ACP6: variants seen among roughly 807,000 people sequenced by gnomAD.
ACP6 encodes the protein lysophosphatidic acid phosphatase type 6.
Under a neutral mutation model 48.1 loss-of-function variants are expected in ACP6, and 48 were observed. The ratio of observed to expected loss-of-function variants is 1.00; its 90% CI spans 0.79 to 1.27. The LOEUF (loss-of-function observed/expected upper bound fraction) is 1.27. Among genes scored for constraint, ACP6 ranks in the 50% most tolerant of loss-of-function variants. The pLI, the probability that ACP6 is intolerant of heterozygous loss-of-function variation, is 0.00. For missense variants in ACP6, 485 were observed against 529.1 expected, an observed-to-expected ratio of 0.92 and a Z score of 0.82; for synonymous variants, 172 against 204.2, an observed-to-expected ratio of 0.84 and a Z score of 1.34.
At chr1:147,632,200 C>CACAA (rs1659186587) in intron 5 of ACP6, among the ~76,000 whole-genome samples, 2 of 151,288 alleles carry the variant, frequency 1.3e-5, no homozygotes, top group South Asian at 4.2e-4. Context: ...GCCCAACACA[C>CACAA]ACACACACAC....
In ACP6 at chr1:147,670,119, G is replaced by C; in HGVS notation, c.-71C>G. 7.3e-7 allele frequency: 1 copy of C among 1,375,368 alleles called. No homozygotes were observed. The highest frequency in any genetic ancestry group is 9.6e-7 in the Non-Finnish European group (1 of 1,045,986). 85.2% of individuals were successfully genotyped at this position (1,375,368 alleles called of 1,614,324 possible). Reference sequence around the variant, plus strand: ...AACACAAGTCTTCTGCGGGCGCCGGGGCTCAGCGGGCGCCCCCAAGTCCGC... The same window carrying C: ...AACACAAGTCTTCTGCGGGCGCCGGCGCTCAGCGGGCGCCCCCAAGTCCGC... On this transcript the variant is annotated 5_prime_UTR_variant, in exon 1 of 10. Transcript: ENST00000583509.
intron 1 of ACP6, among the ~76,000 whole-genome samples, chr1:147,668,777 C>T (rs1232351647): frequency 6.6e-6 from 1 of 152,264 alleles, no homozygotes; most frequent in East Asian, 1.9e-4. Flanking sequence ...TAAGTGCCTT[C>T]CAAATGTATT....
In ACP6 at chr1:147,659,057, A is replaced by C; in HGVS notation, c.480-18T>G. ...AACGAATACTGAAAAAAATGAGAAA[A>C]TAGTGACACTCATAAAAGGAATATT... On this transcript the variant is annotated intron_variant, in intron 3 of 9. Coordinates refer to ENST00000583509, the MANE Select transcript of ACP6 (RefSeq NM_016361.5). 3 of 1,594,610 alleles carry C rather than the reference A, an allele frequency of 1.9e-6. No individual in the cohort carries two copies. The highest frequency in any genetic ancestry group is 2.6e-6 in the Non-Finnish European group (3 of 1,166,046).
intron 4 of ACP6, among the ~76,000 whole-genome samples, chr1:147,658,603 G>A (rs1005368312): frequency 6.6e-6 from 1 of 152,170 alleles, no homozygotes; most frequent in Non-Finnish European, 1.5e-5. Context: ...CAGCAGTGTT[G>A]GGTCCCAGTG....
intron 1 of ACP6, among the ~76,000 whole-genome samples, chr1:147,666,625 T>C (rs1297157523): frequency 6.6e-6 from 1 of 152,204 alleles, no homozygotes; most frequent in East Asian, 1.9e-4. Flanking sequence ...TCCACTTTTT[T>C]AATGCTCTTC....
rs1553208926 is a variant in ACP6 at position 147,642,642 on chromosome 1, G to A, written c.*4781C>T. ...GGAGGGTGGCCTTGGGCCCCGGAGAGAAGTGACAGAGGGGATATGTCATTC... is the reference window on the plus strand; with the variant it reads ...GGAGGGTGGCCTTGGGCCCCGGAGAAAAGTGACAGAGGGGATATGTCATTC... On this transcript the variant is annotated 3_prime_UTR_variant, in exon 10 of 10. Transcript: ENST00000583509. The A allele has an allele frequency of 6.6e-6, 1 of 152,190 alleles. No individual in the cohort carries two copies. The highest frequency in any genetic ancestry group is 2.4e-5 in the African/African-American group (1 of 41,438). 9.4% of individuals were successfully genotyped at this position (152,190 alleles called of 1,614,324 possible). A position where few individuals can be genotyped will look rare whatever the true frequency, so the allele number is the denominator to read the frequency against.
intron 4 of ACP6, among the ~76,000 whole-genome samples, chr1:147,655,695 G>T (rs994775179): frequency 8.5e-5 from 13 of 152,176 alleles, no homozygotes; most frequent in Admixed American, 3.9e-4. Context: ...ATAACAAACT[G>T]AGAAAAGTGG....
chr1:147,651,141 G>C (rs587687351), intron 7 of ACP6: 1 of 152,226 alleles, frequency 6.6e-6, no homozygotes, highest in African/African-American at 2.4e-5. Context: ...AATGGATGAA[G>C]AGCAGGCAAC....
At chr1:147,658,515 C>T (rs1177685441) in intron 4 of ACP6, among the ~76,000 whole-genome samples, 4 of 152,190 alleles carry the variant, frequency 2.6e-5, no homozygotes, top group Admixed American at 1.3e-4. Flanking sequence ...AACCCAAACT[C>T]GATGGACTTT....
At chr1:147,662,839 A>C (rs587660204) in intron 1 of ACP6, among the ~76,000 whole-genome samples, 1 of 152,316 alleles carries the variant, frequency 6.6e-6, no homozygotes, top group South Asian at 2.1e-4. Context: ...CTACAGAGAA[A>C]TCTTTCATGA....
rs1659978624 is a variant in ACP6 at position 147,652,483 on chromosome 1, C to T, written c.847G>A (p.Asp283Asn). Residue 283 changes from aspartate (D) to asparagine (N), a missense_variant, in exon 7 of 10, where the codon GAC becomes AAC. Asp to Asn is a conservative substitution (Grantham distance 23). Coordinates refer to ENST00000583509, the MANE Select transcript of ACP6 (RefSeq NM_016361.5). ...FARMIEQRAVDTSLYILPKED... is the reference protein window; with the variant it reads ...FARMIEQRAVNTSLYILPKED... ...TTGGGCAGTATGTACAAGGATGTGT[C>T]CACAGCTCTCTGTTCGATCATCCTT... 1.2e-6 allele frequency: 2 copies of T among 1,614,010 alleles called. No homozygotes were observed. Among genetic ancestry groups the T allele is most frequent in the Non-Finnish European group, 1.7e-6 (2 of 1,180,014 alleles).
chr1:147,653,254 C>T (rs1660057515), intron 6 of ACP6, among the ~76,000 whole-genome samples: 1 of 151,846 alleles, frequency 6.6e-6, no homozygotes, highest in Non-Finnish European at 1.5e-5. Flanking sequence ...CCTCAGCCTC[C>T]TGAGTGGCTG....
exon 6 of ACP6, chr1:147,630,189 G>C (rs1156286687): frequency 6.6e-6 from 1 of 152,238 alleles, no homozygotes. Context: ...ACCGGGGCCA[G>C]CTGGGCGTGT....
At chr1:147,655,314 C>T in intron 4 of ACP6, 66 bp from the exon 5 acceptor site, 1 of 1,187,932 alleles carries the variant, frequency 8.4e-7, no homozygotes, top group East Asian at 2.6e-5. Context: ...CATCTCCACC[C>T]CCTTCTCTTT....
At chr1:147,648,736 C>T (rs1205020791) in intron 8 of ACP6, among the ~76,000 whole-genome samples, 2 of 152,136 alleles carry the variant, frequency 1.3e-5, no homozygotes, top group East Asian at 3.9e-4. Flanking sequence ...TTGGGTCCTG[C>T]CAGCCTACAT....
At chr1:147,650,518 T>A (rs1659865991) in intron 7 of ACP6, 6 of 322,836 alleles carry the variant, frequency 1.9e-5, no homozygotes. Context: ...AGTGGTAACC[T>A]GGATAAGCCG....
chr1:147,647,368 C>T lies in ACP6; in HGVS notation c.*55G>A. ...CTTCCCAAACACACAAAGCAGGAGG[C>T]ATTGTATAAAGGCACTTTATTTTAA... On this transcript the variant is annotated 3_prime_UTR_variant, in exon 10 of 10. Coordinates refer to ENST00000583509, the MANE Select transcript of ACP6 (RefSeq NM_016361.5). The T allele has an allele frequency of 7.5e-6, 12 of 1,594,928 alleles. No homozygotes were observed. In the South Asian group the frequency reaches 1.2e-4, roughly 16 times the overall value.
At chr1:147,640,025 G>A (rs1318535185), downstream of ACP6, among the ~76,000 whole-genome samples, 3 of 152,082 alleles carry the variant, frequency 2.0e-5, no homozygotes, top group Non-Finnish European at 2.9e-5. Context: ...TTGGCTTACA[G>A]TAAGCTGCTG....
rs1661032355 is a variant in ACP6 at position 147,670,280 on chromosome 1, A to G, written c.-232T>C. On this transcript the variant is annotated 5_prime_UTR_variant, in exon 1 of 10. Transcript: ENST00000583509. ...CAGCGAAGAGTCCCTGGGAGTTTTA[A>G]CCCGGGTCGGGGTTGGTCGCTCCTG... 1 of 464,544 alleles carries G rather than the reference A, an allele frequency of 2.2e-6. No homozygotes were observed. The highest frequency in any genetic ancestry group is 3.7e-5 in the Admixed American group (1 of 27,336). The allele number at this position is 464,544 out of a possible 1,614,324, so 28.8% of individuals were successfully genotyped here. A position where few individuals can be genotyped will look rare whatever the true frequency, so the allele number is the denominator to read the frequency against.
Sources: allele counts gnomAD v4.1 joint callset (sites outside exome capture counted in the v4.1 genomes callset), GRCh38; gene constraint gnomAD v4.1.1; transcripts MANE v1.5; gene names NCBI Gene and HGNC (gene_info 2026-07-23, HGNC 2026-07-21).